DMD: variants seen among roughly 807,000 people sequenced by gnomAD.
DMD encodes dystrophin.
DMD carries 63 observed loss-of-function variants against 330.1 expected under a neutral mutation model. The observed-to-expected ratio is 0.19, with a 90% CI of 0.16 to 0.24. The LOEUF (loss-of-function observed/expected upper bound fraction) is 0.24. DMD is among the 10% of genes least tolerant of loss of function. The pLI, the probability that DMD is intolerant of heterozygous loss-of-function variation, is 1.00. For synonymous variants in DMD, 1,223 were observed against 959.8 expected (o/e 1.27, Z -5.07); for missense variants, 3,344 against 2,684.1 (o/e 1.25, Z -5.43).
intron 9 of DMD, among the ~76,000 whole-genome samples, chrX:32,662,445 C>T (rs1203468480): frequency 8.9e-6 from 1 of 111,852 alleles, no homozygotes; most frequent in Non-Finnish European, 1.9e-5. Context: ...AATAGTGGGA[C>T]AAAATACAAT....
chrX:32,365,209 G>T lies in DMD; in HGVS notation c.4846-10C>A. On this transcript the variant is annotated splice_polypyrimidine_tract_variant and intron_variant, in intron 34 of 78. Coordinates refer to ENST00000357033, the MANE Select transcript of DMD (RefSeq NM_004006.3). ...TCTCTTTTTGAGTAGCCTGTGAAAA[G>T]GAGAGCATTGACCTTCAAGTAATGT... is the stretch of plus-strand genomic sequence containing the variant. 1 of 1,208,068 alleles carries T rather than the reference G, an allele frequency of 8.3e-7. No individual in the cohort carries two copies. The highest frequency in any genetic ancestry group is 1.1e-6 in the Non-Finnish European group (1 of 892,976).
intron 43 of DMD, among the ~76,000 whole-genome samples, chrX:32,267,262 T>C (rs1031286279): frequency 4.5e-5 from 5 of 112,326 alleles, no homozygotes; most frequent in Non-Finnish European, 9.4e-5. Flanking sequence ...TTCTTCTTTA[T>C]ACATTTCAAA....
Position 31,187,716 on chromosome X carries a change from TCAGAGAGAGAGA to T in DMD, c.9808-4824_9808-4813del, listed in dbSNP as rs1169829785. Among the ~76,000 whole-genome samples the T allele has an allele frequency of 3.1e-4, 24 of 76,625 alleles. No homozygotes were observed. The South Asian group carries it at 3.8e-3, about 12-fold the overall frequency. The allele number at this position is 76,625 out of a possible 115,157, so 66.5% of individuals were successfully genotyped here. A position where few individuals can be genotyped will look rare whatever the true frequency, so the allele number is the denominator to read the frequency against. On this transcript the variant is annotated intron_variant, in intron 67 of 78. Transcript: ENST00000357033. ...TCAGCTCTGGAATCTTCCCAGATTC[TCAGAGAGAGAGA>T]GAGAGAGAGAGAGAGAGAGAGAGAG...
At chrX:32,128,219 T>C (rs1414619010) in intron 44 of DMD, among the ~76,000 whole-genome samples, 2 of 112,232 alleles carry the variant, frequency 1.8e-5, no homozygotes, top group Non-Finnish European at 3.8e-5. Flanking sequence ...TCAATGTTAA[T>C]CTAGTCAACA....
intron 9 of DMD, among the ~76,000 whole-genome samples, chrX:32,687,855 G>A (rs1359711402): frequency 3.6e-5 from 4 of 111,366 alleles, no homozygotes; most frequent in African/African-American, 1.3e-4. Flanking sequence ...ACACAGGTGA[G>A]CTAAGCATTA....
At chrX:31,258,785 T>A (rs1386709862) in intron 63 of DMD, among the ~76,000 whole-genome samples, 1 of 112,046 alleles carries the variant, frequency 8.9e-6, no homozygotes, top group African/African-American at 3.2e-5. Flanking sequence ...ATTAAATGTA[T>A]ATTTAATTTG....
chrX:31,653,613 A>T (rs2080595381), intron 54 of DMD, among the ~76,000 whole-genome samples: 1 of 111,296 alleles, frequency 9.0e-6, no homozygotes, highest in Non-Finnish European at 1.9e-5. Flanking sequence ...ATCCTGGAAC[A>T]GAAATAAGGA....
intron 1 of DMD, among the ~76,000 whole-genome samples, chrX:33,226,811 C>T (rs1237257246): frequency 9.2e-6 from 1 of 108,842 alleles, no homozygotes; most frequent in African/African-American, 3.3e-5. Context: ...TTTTAAAAGA[C>T]AGTGGGCTGG....
intron 16 of DMD, among the ~76,000 whole-genome samples, chrX:32,547,318 G>A (rs890288941): frequency 9.0e-6 from 1 of 110,859 alleles, no homozygotes; most frequent in South Asian, 3.8e-4. Flanking sequence ...TTGGATACAT[G>A]TGCCCATGGA....
At chrX:33,001,632 T>C (rs1203661030) in intron 2 of DMD, among the ~76,000 whole-genome samples, 1 of 111,557 alleles carries the variant, frequency 9.0e-6, no homozygotes. Context: ...AGACACTGTC[T>C]AATGTTACAT....
intron 2 of DMD, among the ~76,000 whole-genome samples, chrX:32,874,941 C>A (rs773998962): frequency 3.6e-5 from 4 of 111,753 alleles, no homozygotes; most frequent in African/African-American, 9.7e-5. Flanking sequence ...CCCTCCAGAC[C>A]AGCACATCCA....
At chrX:33,236,678 C>T (rs749148535) in intron 1 of DMD, among the ~76,000 whole-genome samples, 7 of 110,890 alleles carry the variant, frequency 6.3e-5, no homozygotes, top group Non-Finnish European at 9.4e-5. Context: ...ACTTTGCCTA[C>T]ACAAAAAGCT....
intron 7 of DMD, among the ~76,000 whole-genome samples, chrX:32,743,782 TA>T (rs2148207967): frequency 9.0e-6 from 1 of 111,588 alleles, no homozygotes; most frequent in East Asian, 2.8e-4. Context: ...CTGTCTGTCA[TA>T]AACTGCCATA....
At chrX:31,860,495 G>A (rs2093681573) in intron 48 of DMD, among the ~76,000 whole-genome samples, 1 of 109,437 alleles carries the variant, frequency 9.1e-6, no homozygotes, top group South Asian at 3.7e-4. Context: ...TGGGTAAAGA[G>A]ATTAGAAAGC....
At chrX:31,920,009 A>C (rs755950032) in intron 47 of DMD, among the ~76,000 whole-genome samples, 1 of 112,342 alleles carries the variant, frequency 8.9e-6, no homozygotes, top group African/African-American at 3.2e-5. Flanking sequence ...TTTCTACACA[A>C]TAAAAGGTAA....
chrX:31,848,464 A>C (rs958607093), intron 48 of DMD, among the ~76,000 whole-genome samples: 13 of 111,631 alleles, frequency 1.2e-4, no homozygotes, highest in Non-Finnish European at 2.5e-4. Flanking sequence ...TCAGACAAGA[A>C]AGTCGTCATG....
At chrX:31,521,989 T>C (rs865980500) in intron 55 of DMD, among the ~76,000 whole-genome samples, 5 of 111,088 alleles carry the variant, frequency 4.5e-5, no homozygotes, top group Non-Finnish European at 9.4e-5. Flanking sequence ...AAAGAGCCCA[T>C]AGCCTTCTGA....
intron 11 of DMD, among the ~76,000 whole-genome samples, chrX:32,623,524 T>A (rs1323549281): frequency 6.6e-5 from 7 of 106,726 alleles, no homozygotes; most frequent in African/African-American, 2.4e-4. Context: ...TTTATAATAC[T>A]AGTATTTTTT....
intron 45 of DMD, among the ~76,000 whole-genome samples, chrX:31,965,316 T>C (rs1603618357): frequency 8.9e-6 from 1 of 111,736 alleles, no homozygotes; most frequent in East Asian, 2.8e-4. Flanking sequence ...TCTTTGGCAA[T>C]CTGTTGAAGC....
Sources: allele counts gnomAD v4.1 joint callset (sites outside exome capture counted in the v4.1 genomes callset), GRCh38; gene constraint gnomAD v4.1.1; transcripts MANE v1.5; gene names NCBI Gene and HGNC (gene_info 2026-07-23, HGNC 2026-07-21).